SDCCAG8: variants seen among roughly 807,000 people sequenced by gnomAD.
The protein encoded by SDCCAG8 is serologically defined colon cancer antigen 8.
SDCCAG8 carries 74 observed loss-of-function variants against 101.8 expected under a neutral mutation model. The observed-to-expected ratio is 0.73, with a 90% CI of 0.60 to 0.88. SDCCAG8 has a LOEUF of 0.88. Ranked by LOEUF, SDCCAG8 falls within the 40% of genes least tolerant of loss-of-function variation. The pLI is 0.00. For missense variants in SDCCAG8, 787 were observed against 822.6 expected, an observed-to-expected ratio of 0.96 and a Z score of 0.53; for synonymous variants, 281 against 292.9, an observed-to-expected ratio of 0.96 and a Z score of 0.41.
chr1:243,273,973 A>T (rs2068305472), intron 3 of SDCCAG8, among the ~76,000 whole-genome samples: 1 of 152,226 alleles, frequency 6.6e-6, no homozygotes, highest in Non-Finnish European at 1.5e-5. Context: ...ATAGAGAAGC[A>T]AGTATTTGTA....
intron 12 of SDCCAG8, among the ~76,000 whole-genome samples, chr1:243,373,348 A>C (rs1376253520): frequency 1.3e-5 from 2 of 152,114 alleles, no homozygotes; most frequent in Admixed American, 1.3e-4. Flanking sequence ...TAGAATTCTA[A>C]GGTGATGTAT....
chr1:243,262,957 C>G lies in SDCCAG8; in HGVS notation c.67+6717C>G, dbSNP rs74951638. Among the ~76,000 whole-genome samples, 555 of 152,364 alleles carry G rather than the reference C, an allele frequency of 3.6e-3. 1 individual carries two copies. Among genetic ancestry groups the G allele is most frequent in the African/African-American group, 0.013 (527 of 41,588 alleles). ...AAACAAAATAAAGCTAAATATGAAT[C>G]TGAGCTCTTGCTTCTGATAGATATA... is the stretch of plus-strand genomic sequence containing the variant. On this transcript the variant is annotated intron_variant, in intron 1 of 17. Coordinates refer to ENST00000366541, the MANE Select transcript of SDCCAG8 (RefSeq NM_006642.5).
chr1:243,290,185 CCT>C (rs1168246774), intron 5 of SDCCAG8, among the ~76,000 whole-genome samples: 3 of 149,816 alleles, frequency 2.0e-5, no homozygotes, highest in East Asian at 3.9e-4. Flanking sequence ...GTTTTCATCC[CCT>C]GTCTTACCAC....
intron 8 of SDCCAG8, among the ~76,000 whole-genome samples, chr1:243,314,504 C>T (rs2073059972): frequency 1.3e-5 from 2 of 152,160 alleles, no homozygotes; most frequent in South Asian, 4.1e-4. Flanking sequence ...TGACACCATC[C>T]TATAGCAGAC....
chr1:243,492,292 T>C (rs1666644358), intron 17 of SDCCAG8, among the ~76,000 whole-genome samples: 1 of 117,174 alleles, frequency 8.5e-6, no homozygotes, highest in East Asian at 2.6e-4. Flanking sequence ...GCTCGTTTCT[T>C]GGCTTTTTTT....
At chr1:243,311,006 A>C (rs2072667236) in intron 8 of SDCCAG8, among the ~76,000 whole-genome samples, 1 of 152,242 alleles carries the variant, frequency 6.6e-6, no homozygotes, top group African/African-American at 2.4e-5. Flanking sequence ...AAATTGGTGG[A>C]AATACTTTGG....
At chr1:243,331,875 TAGG>T (rs10557582) in intron 10 of SDCCAG8, among the ~76,000 whole-genome samples, 40,744 of 152,036 alleles carry the variant, frequency 0.27, 5,556 homozygotes, top group South Asian at 0.45. Flanking sequence ...TACAAACTCG[TAGG>T]AGAAGTAGAT....
rs192402144 is a variant in SDCCAG8 at position 243,267,369 on chromosome 1, G to A, written c.68-2736G>A. 559 of 247,198 alleles carry A rather than the reference G, an allele frequency of 2.3e-3. 4 individuals carry two copies. The highest frequency in any genetic ancestry group is 0.013 in the African/African-American group (545 of 43,346). 15.3% of individuals were successfully genotyped at this position (247,198 alleles called of 1,614,324 possible). A position where few individuals can be genotyped will look rare whatever the true frequency, so the allele number is the denominator to read the frequency against. On this transcript the variant is annotated intron_variant, in intron 1 of 17. Transcript: ENST00000366541. ...CCCAAGACTTTTGGAGGCTGAGACG[G>A]GCGGATTTCACCTGAGGTCGGGAGT...
chr1:243,337,632 G>T (rs1042507818), intron 10 of SDCCAG8, among the ~76,000 whole-genome samples: 1 of 152,150 alleles, frequency 6.6e-6, no homozygotes, highest in South Asian at 2.1e-4. Flanking sequence ...AATACATCAA[G>T]AATTGATAGG....
At chr1:243,337,451 T>C (rs895772053) in intron 10 of SDCCAG8, among the ~76,000 whole-genome samples, 4 of 152,180 alleles carry the variant, frequency 2.6e-5, no homozygotes, top group Non-Finnish European at 4.4e-5. Flanking sequence ...TAAAGATGTA[T>C]GAATAAAGAG....
At chr1:243,399,785 C>T (rs2147968406) in intron 13 of SDCCAG8, among the ~76,000 whole-genome samples, 1 of 152,262 alleles carries the variant, frequency 6.6e-6, no homozygotes, top group Admixed American at 6.5e-5. Context: ...GCTGGGATTG[C>T]AGGCATGAGC....
At chr1:243,352,656 A>G (rs898794085) in intron 12 of SDCCAG8, among the ~76,000 whole-genome samples, 7 of 152,250 alleles carry the variant, frequency 4.6e-5, no homozygotes, top group Non-Finnish European at 1.0e-4. Flanking sequence ...ATCACTAATT[A>G]CTACATATGC....
intron 12 of SDCCAG8, among the ~76,000 whole-genome samples, chr1:243,372,916 ATATCTATATC>A (rs2077377042): frequency 6.9e-6 from 1 of 144,370 alleles, no homozygotes; most frequent in Non-Finnish European, 1.5e-5. Flanking sequence ...ATCTATATCT[ATATCTATATC>A]TATATCTATA....
rs142801560 is a variant in SDCCAG8 at position 243,328,986 on chromosome 1, A to G, written c.1069-1554A>G. ...TTTATATTAAGTAAGCGTTTTGTCT[A>G]TTCATACCAGTAGCATTCATGATAT... On this transcript the variant is annotated intron_variant, in intron 9 of 17. Transcript: ENST00000366541. Among the ~76,000 whole-genome samples the G allele has an allele frequency of 1.1e-4, 17 of 152,300 alleles. No individual in the cohort carries two copies. In the East Asian group the frequency reaches 2.5e-3, roughly 22 times the overall value.
chr1:243,319,989 G>T (rs1316389982), intron 9 of SDCCAG8, among the ~76,000 whole-genome samples: 2 of 151,206 alleles, frequency 1.3e-5, no homozygotes, highest in African/African-American at 2.4e-5. Context: ...TTTATCTGTT[G>T]TGTCCAGGCT....
At chr1:243,335,875 G>A (rs948060025) in intron 10 of SDCCAG8, among the ~76,000 whole-genome samples, 3 of 152,172 alleles carry the variant, frequency 2.0e-5, no homozygotes, top group Non-Finnish European at 2.9e-5. Context: ...CCACTTGTGA[G>A]TGAGAACATG....
intron 9 of SDCCAG8, among the ~76,000 whole-genome samples, chr1:243,322,464 C>T (rs1204042282): frequency 6.6e-6 from 1 of 152,182 alleles, no homozygotes; most frequent in African/African-American, 2.4e-5. Flanking sequence ...TCCCATTGCA[C>T]ATGCCTGGAC....
chr1:243,360,948 C>A (rs1006306552), intron 12 of SDCCAG8, among the ~76,000 whole-genome samples: 2 of 152,188 alleles, frequency 1.3e-5, no homozygotes, highest in African/African-American at 4.8e-5. Context: ...ACAGTGACCC[C>A]CTCATGGCAC....
chr1:243,291,835 T>C (rs2070298441), intron 5 of SDCCAG8, among the ~76,000 whole-genome samples: 1 of 152,200 alleles, frequency 6.6e-6, no homozygotes, highest in African/African-American at 2.4e-5. Context: ...GACTGCCTGC[T>C]ACTTTAGATA....
Sources: allele counts gnomAD v4.1 joint callset (sites outside exome capture counted in the v4.1 genomes callset), GRCh38; gene constraint gnomAD v4.1.1; transcripts MANE v1.5; gene names NCBI Gene and HGNC (gene_info 2026-07-23, HGNC 2026-07-21).